Variants in LDB1 observed in about 807,000 individuals in gnomAD.
LDB1 encodes LIM domain binding 1.
In LDB1, 6 loss-of-function variants were observed where a neutral mutation model predicts 49.7. The observed-to-expected ratio is 0.12, with a 90% CI of 0.07 to 0.24. The LOEUF (loss-of-function observed/expected upper bound fraction) is 0.24. Ranked by LOEUF, LDB1 falls within the 10% of genes least tolerant of loss-of-function variation. LDB1 has a pLI of 1.00. For missense variants in LDB1, 341 were observed against 561.7 expected (o/e 0.61, Z 3.97); for synonymous variants, 233 against 202.0 (o/e 1.15, Z -1.30).
At position 102,110,880 on chromosome 10, in the gene LDB1, G is replaced by A; in HGVS notation, c.341C>T (p.Pro114Leu). Residue 114 changes from proline to leucine, a missense_variant, in exon 5 of 11, where the codon CCA becomes CTA. Pro to Leu is a moderately conservative substitution (Grantham distance 98). This residue lies in a region of LDB1 where 233 missense variants were observed against 385.7 expected (regional missense o/e 0.60). Transcript: ENST00000673968. ...CAGAGGCCACTTACTATATCTCTTT[G>A]GTCCATCCTCCAGGCAGAAAGTGAT... ...LTITFCLEDG[P>L]KRYTIGRTLI... The A allele has an allele frequency of 6.2e-7, 1 of 1,613,578 alleles. No individual in the cohort carries two copies. The highest frequency in any genetic ancestry group is 8.5e-7 in the Non-Finnish European group (1 of 1,179,584).
intron 1 of LDB1, among the ~76,000 whole-genome samples, chr10:102,115,320 T>C (rs1254016554): frequency 1.3e-5 from 2 of 152,054 alleles, no homozygotes; most frequent in Non-Finnish European, 2.9e-5. Context: ...CTCTGCAGAC[T>C]CCAAGATCTT....
downstream of LDB1, among the ~76,000 whole-genome samples, chr10:102,105,297 G>A (rs1040341363): frequency 6.6e-6 from 1 of 152,180 alleles, no homozygotes. Context: ...GGGGTCCTGA[G>A]GCACTGGGTT....
chr10:102,120,019 C>A, intron 1 of LDB1, 67 bp downstream of exon 1: 1 of 1,283,298 alleles, frequency 7.8e-7, no homozygotes, highest in Non-Finnish European at 1.0e-6. Flanking sequence ...TCTCGCCAAA[C>A]ACGGGGTGAG....
At chr10:102,115,641 G>A (rs937571785) in intron 1 of LDB1, among the ~76,000 whole-genome samples, 2 of 151,896 alleles carry the variant, frequency 1.3e-5, no homozygotes, top group Non-Finnish European at 2.9e-5. Flanking sequence ...AGGGAAAGAG[G>A]CATTGTCAGA....
chr10:102,118,858 C>T (rs147784706), intron 1 of LDB1, among the ~76,000 whole-genome samples: 207 of 152,292 alleles, frequency 1.4e-3, no homozygotes, highest in African/African-American at 4.7e-3. Flanking sequence ...AAGCTCTTCC[C>T]TCTCCTCTCC....
At chr10:102,105,811 A>T (rs2068153521), downstream of LDB1, among the ~76,000 whole-genome samples, 1 of 151,622 alleles carries the variant, frequency 6.6e-6, no homozygotes, top group African/African-American at 2.4e-5. Flanking sequence ...AAAAAAAAAA[A>T]AAAAAAAATA....
At chr10:102,105,781 G>A (rs920459641), downstream of LDB1, among the ~76,000 whole-genome samples, 55 of 149,072 alleles carry the variant, frequency 3.7e-4, no homozygotes, top group African/African-American at 1.4e-3. Context: ...GGCCAACATG[G>A]TGAAACCCTA....
chr10:102,115,689 G>T (rs1317288244), intron 1 of LDB1, among the ~76,000 whole-genome samples: 2 of 151,872 alleles, frequency 1.3e-5, no homozygotes, highest in Non-Finnish European at 2.9e-5. Context: ...AGGGTCCCCA[G>T]AAGGAGCTTA....
chr10:102,115,130 G>C (rs2068319613), intron 1 of LDB1, among the ~76,000 whole-genome samples: 1 of 152,154 alleles, frequency 6.6e-6, no homozygotes, highest in African/African-American at 2.4e-5. Flanking sequence ...ACAAAAGAGA[G>C]ACAGAGACTG....
Position 102,109,638 on chromosome 10 carries a change from G to C in LDB1, c.694C>G (p.Arg232Gly). ...MLDQLSKNIT[R>G]CGLSNSTLNY... The stretch of plus-strand genomic sequence containing the variant: ...AGAGTGGAATTGGACAGCCCACACC[G>C]AGTGATGTTTTTGGAGAGCTGATCC... Residue 232 changes from arginine to glycine, a missense_variant, in exon 8 of 11, where the codon CGG becomes GGG. By Grantham distance (125) the Arg-to-Gly change is moderately radical. Around this residue, in one of 5 missense-constraint regions of LDB1, gnomAD observed 233 missense variants for 385.7 expected, o/e 0.60. Coordinates refer to ENST00000673968, the MANE Select transcript of LDB1 (RefSeq NM_001113407.3). This position sits in a 1 kb window ranked among gnomAD's most constrained non-coding sequence, Gnocchi z 5.8. 1 of 1,614,118 alleles carries C rather than the reference G, an allele frequency of 6.2e-7. No individual in the cohort carries two copies. Among genetic ancestry groups the C allele is most frequent in the Non-Finnish European group, 8.5e-7 (1 of 1,179,998 alleles).
At chr10:102,110,166 A>G in intron 6 of LDB1, 123 bp from the exon 7 acceptor site, 2 of 1,074,610 alleles carry the variant, frequency 1.9e-6, no homozygotes, top group Admixed American at 2.4e-5. Flanking sequence ...CCTGCACATT[A>G]AATCTGGGTG....
chr10:102,115,238 C>A (rs1330602355), intron 1 of LDB1, among the ~76,000 whole-genome samples: 1 of 152,186 alleles, frequency 6.6e-6, no homozygotes, highest in Non-Finnish European at 1.5e-5. Flanking sequence ...CTCCCCCGAG[C>A]CCCAGGCACG....
In LDB1 at chr10:102,110,032, C is replaced by G. The variant is rs1346120164; in HGVS notation, c.537G>C (p.Glu179Asp). 1.1e-5 allele frequency: 18 copies of G among 1,613,400 alleles called. No individual in the cohort carries two copies. The highest frequency in any genetic ancestry group is 1.5e-5 in the Non-Finnish European group (18 of 1,179,754). The change falls in exon 7 of 11, where the codon GAG becomes GAC. Residue 179 changes from glutamate to aspartate, a missense_variant. This residue lies in a region of LDB1 where 233 missense variants were observed against 385.7 expected (regional missense o/e 0.60). Coordinates refer to ENST00000673968, the MANE Select transcript of LDB1 (RefSeq NM_001113407.3). ...GKPMFTQVCV[E>D]GRLYLEFMFD... Reference sequence around the variant, plus strand: ...ACATGAACTCCAGGTACAACCGGCCCTCCACACACACCTGGGGACAGGCTT... The same window carrying G: ...ACATGAACTCCAGGTACAACCGGCCGTCCACACACACCTGGGGACAGGCTT...
chr10:102,108,379 G>C, intron 10 of LDB1, 56 bp from the exon 11 acceptor site: 2 of 1,424,042 alleles, frequency 1.4e-6, no homozygotes, highest in Non-Finnish European at 2.0e-6. Flanking sequence ...CCCGGCCCAG[G>C]GCGGCAGATA....
Position 102,117,261 on chromosome 10 carries a change from T to A in LDB1, c.25+2825A>T, listed in dbSNP as rs1181751052. The stretch of plus-strand genomic sequence containing the variant: ...GGAGGGGCCCCTAAATGCCAAGATG[T>A]ATCGACTGGCAAACCATTCAAAACA... On this transcript the variant is annotated intron_variant, in intron 1 of 10. Transcript: ENST00000673968. The surrounding 1 kb of genome is among the most constrained non-coding windows in gnomAD (Gnocchi z 4.2). Among the ~76,000 whole-genome samples, 1 of 152,220 alleles carries A rather than the reference T, an allele frequency of 6.6e-6. No homozygotes were observed. The highest frequency in any genetic ancestry group is 1.5e-5 in the Non-Finnish European group (1 of 68,040).
chr10:102,114,613 G>A (rs1266400924), intron 1 of LDB1: 6 of 984,558 alleles, frequency 6.1e-6, no homozygotes, highest in Non-Finnish European at 7.2e-6. Flanking sequence ...CCGCTGTCCC[G>A]GGGGAAAGTT....
rs1356287216 is a variant in LDB1 at position 102,108,431 on chromosome 10, C to G, written c.1006-108G>C. 3.9e-6 allele frequency: 3 copies of G among 762,918 alleles called. No individual in the cohort carries two copies. The Admixed American group carries it at 7.6e-5, about 19-fold the overall frequency. 47.3% of individuals were successfully genotyped at this position (762,918 alleles called of 1,614,324 possible). A position where few individuals can be genotyped will look rare whatever the true frequency, so the allele number is the denominator to read the frequency against. On this transcript the variant is annotated intron_variant, in intron 10 of 10. Coordinates refer to ENST00000673968, the MANE Select transcript of LDB1 (RefSeq NM_001113407.3). ...ACCCACCCTGGAAGCTCAAGAGTCC[C>G]CACCCCCTCCTCATACCCGAATTTA... is the stretch of plus-strand genomic sequence containing the variant.
intron 10 of LDB1, 41 bp downstream of exon 10, chr10:102,108,988 G>C (rs1008692533): frequency 1.2e-6 from 2 of 1,613,982 alleles, no homozygotes; most frequent in Non-Finnish European, 1.7e-6. Flanking sequence ...GGGGTGAGTG[G>C]TGGGGCAGCC....
At chr10:102,114,240 T>C (rs2068298701) in intron 1 of LDB1, among the ~76,000 whole-genome samples, 1 of 152,130 alleles carries the variant, frequency 6.6e-6, no homozygotes, top group African/African-American at 2.4e-5. Flanking sequence ...CCAGGCTGAC[T>C]CGAGGGCAGG....
Sources: allele counts gnomAD v4.1 joint callset (sites outside exome capture counted in the v4.1 genomes callset), GRCh38; gene constraint gnomAD v4.1.1; regional missense constraint gnomAD v4.1.1; non-coding constraint Gnocchi (gnomAD v3.1); transcripts MANE v1.5; gene names NCBI Gene and HGNC (gene_info 2026-07-23, HGNC 2026-07-21).